The following RIMS1 variants were observed in gnomAD, a reference collection of about 807,000 sequenced individuals.
RIMS1 encodes regulating synaptic membrane exocytosis 1.
A neutral mutation model predicts 214.1 loss-of-function variants in RIMS1; 83 were observed. The observed-to-expected ratio is 0.39, with a 90% CI of 0.32 to 0.47. The LOEUF (loss-of-function observed/expected upper bound fraction) is 0.47, where lower values mean the gene tolerates loss of function less well. Ranked by LOEUF, RIMS1 falls within the 20% of genes least tolerant of loss-of-function variation. The pLI is 0.99. For missense variants in RIMS1, 2,050 were observed against 2,161.8 expected (o/e 0.95, Z 1.03); for synonymous variants, 793 against 786.8 (o/e 1.01, Z -0.13).
chr6:71,894,392 G>C (rs1770978500), intron 1 of RIMS1, among the ~76,000 whole-genome samples: 1 of 152,132 alleles, frequency 6.6e-6, no homozygotes, highest in African/African-American at 2.4e-5. Context: ...GCTGCAATGA[G>C]CTGAGATCCT....
At chr6:72,059,865 A>G (rs2152235621) in intron 2 of RIMS1, among the ~76,000 whole-genome samples, 1 of 152,326 alleles carries the variant, frequency 6.6e-6, no homozygotes, top group African/African-American at 2.4e-5. Context: ...TAACTGAAAT[A>G]TTTGGCAGAA....
intron 4 of RIMS1, among the ~76,000 whole-genome samples, chr6:72,164,409 G>C (rs1002307565): frequency 2.6e-5 from 4 of 152,052 alleles, no homozygotes; most frequent in South Asian, 2.1e-4. Flanking sequence ...TGCACCCACT[G>C]TCTGACACTC....
chr6:72,297,070 G>T (rs899711178), intron 26 of RIMS1, among the ~76,000 whole-genome samples: 11 of 151,770 alleles, frequency 7.2e-5, no homozygotes, highest in Non-Finnish European at 1.2e-4. Flanking sequence ...TTATAAAAAT[G>T]TATTTAACAA....
chr6:72,207,350 G>A (rs2053101704), intron 6 of RIMS1, among the ~76,000 whole-genome samples: 1 of 152,156 alleles, frequency 6.6e-6, no homozygotes, highest in Non-Finnish European at 1.5e-5. Flanking sequence ...TAATTACTTA[G>A]CTTGTACATC....
At chr6:72,051,466 C>A (rs1824644234) in intron 2 of RIMS1, among the ~76,000 whole-genome samples, 1 of 152,146 alleles carries the variant, frequency 6.6e-6, no homozygotes, top group Non-Finnish European at 1.5e-5. Context: ...AGTGGTAGAG[C>A]CAGAATTTAA....
intron 33 of RIMS1, among the ~76,000 whole-genome samples, 162 bp downstream of exon 33, chr6:72,399,256 A>G (rs1462553365): frequency 6.6e-6 from 1 of 152,064 alleles, no homozygotes; most frequent in Non-Finnish European, 1.5e-5. Flanking sequence ...TATAAATAAT[A>G]TATAATATCA....
At chr6:72,209,429 T>C (rs1006376057) in intron 6 of RIMS1, among the ~76,000 whole-genome samples, 1 of 152,208 alleles carries the variant, frequency 6.6e-6, no homozygotes, top group African/African-American at 2.4e-5. Context: ...ATTTCCCACA[T>C]CCTAACATTT....
chr6:72,189,582 C>T (rs1257289885), intron 6 of RIMS1, among the ~76,000 whole-genome samples: 1 of 152,190 alleles, frequency 6.6e-6, no homozygotes, highest in East Asian at 1.9e-4. Flanking sequence ...GTGTAATCAA[C>T]CTGCCACCAA....
chr6:72,330,596 A>G (rs2154337399), intron 28 of RIMS1, among the ~76,000 whole-genome samples: 1 of 151,980 alleles, frequency 6.6e-6, no homozygotes, highest in African/African-American at 2.4e-5. Flanking sequence ...ACAAAGGACC[A>G]GGAGACAACA....
intron 19 of RIMS1, 172 bp downstream of exon 19, chr6:72,260,939 T>A: frequency 7.0e-7 from 1 of 1,437,802 alleles, no homozygotes. Context: ...CCAAATATAT[T>A]TCAGTTCCGA....
chr6:72,039,043 A>C (rs1185150981), intron 2 of RIMS1, among the ~76,000 whole-genome samples: 1 of 152,190 alleles, frequency 6.6e-6, no homozygotes, highest in Non-Finnish European at 1.5e-5. Flanking sequence ...CTGACAATTC[A>C]ATATTGAAAA....
At chr6:72,297,832 A>C (rs2094245376) in intron 26 of RIMS1, among the ~76,000 whole-genome samples, 3 of 152,012 alleles carry the variant, frequency 2.0e-5, no homozygotes. Flanking sequence ...AAATTTCATT[A>C]AAATCGTATT....
chr6:72,091,743 T>G (rs1162312064), intron 2 of RIMS1, among the ~76,000 whole-genome samples: 1 of 152,198 alleles, frequency 6.6e-6, no homozygotes, highest in African/African-American at 2.4e-5. Flanking sequence ...AGTTTCAATA[T>G]CAATGCTTTT....
intron 2 of RIMS1, among the ~76,000 whole-genome samples, chr6:72,067,461 T>C (rs938183228): frequency 4.6e-5 from 7 of 152,218 alleles, no homozygotes; most frequent in Non-Finnish European, 7.3e-5. Flanking sequence ...TTCATCTCTA[T>C]TCAAATTCAC....
At chr6:72,046,459 G>C (rs1320396950) in intron 2 of RIMS1, among the ~76,000 whole-genome samples, 1 of 152,070 alleles carries the variant, frequency 6.6e-6, no homozygotes, top group Non-Finnish European at 1.5e-5. Context: ...AACACATTAA[G>C]AGGGATTAGC....
At position 72,182,963 on chromosome 6, in the gene RIMS1, A is replaced by C; in HGVS notation, c.1492A>C (p.Asn498His). 6.3e-7 allele frequency: 1 copy of C among 1,593,886 alleles called. No individual in the cohort carries two copies. Among genetic ancestry groups the C allele is most frequent in the Non-Finnish European group, 8.5e-7 (1 of 1,171,328 alleles). The stretch of plus-strand genomic sequence containing the variant: ...CGAGAAGGTGGAGACCATGCTGCGG[A>C]ACGACTCTTTGAGCTCAGACCAGTC... ...KREKVETMLR[N>H]DSLSSDQSES... Residue 498 changes from asparagine to histidine, a missense_variant, in exon 6 of 34, where the codon AAC becomes CAC. Around this residue, in one of 6 missense-constraint regions of RIMS1, gnomAD observed 882 missense variants for 828.9 expected, o/e 1.06. Transcript: ENST00000521978.
At chr6:72,346,068 T>G (rs1279852433) in intron 29 of RIMS1, among the ~76,000 whole-genome samples, 1 of 151,790 alleles carries the variant, frequency 6.6e-6, no homozygotes, top group African/African-American at 2.4e-5. Context: ...AGGTCCTTTT[T>G]GACCCTCCAT....
chr6:72,199,849 C>T (rs2051621824), intron 6 of RIMS1, among the ~76,000 whole-genome samples: 1 of 151,762 alleles, frequency 6.6e-6, no homozygotes, highest in South Asian at 2.1e-4. Flanking sequence ...ATAAAGCAGT[C>T]AACATATAGA....
intron 4 of RIMS1, among the ~76,000 whole-genome samples, chr6:72,108,081 T>C (rs955156467): frequency 4.6e-5 from 7 of 152,118 alleles, no homozygotes; most frequent in African/African-American, 1.7e-4. Context: ...TGCAGTGCCA[T>C]GATCAGGGCT....
Sources: allele counts gnomAD v4.1 joint callset (sites outside exome capture counted in the v4.1 genomes callset), GRCh38; gene constraint gnomAD v4.1.1; regional missense constraint gnomAD v4.1.1; transcripts MANE v1.5; gene names NCBI Gene and HGNC (gene_info 2026-07-23, HGNC 2026-07-21).